The following DLGAP1 variants were observed in gnomAD, a reference collection of about 807,000 sequenced individuals.
The protein encoded by DLGAP1 is DLG associated protein 1.
Under a neutral mutation model 90.8 loss-of-function variants are expected in DLGAP1, and 11 were observed. The observed-to-expected ratio is 0.12, with a 90% confidence interval of 0.08 to 0.20. The LOEUF is 0.20. Among genes scored for constraint, DLGAP1 ranks in the 10% least tolerant of loss-of-function variants. The pLI is 1.00. For missense variants in DLGAP1, 1,050 were observed against 1,333.8 expected (o/e 0.79, Z 3.31); for synonymous variants, 558 against 540.7 (o/e 1.03, Z -0.44).
intron 7 of DLGAP1, among the ~76,000 whole-genome samples, chr18:3,583,168 ACCTACCTACCTACCTACCTTCCTTCC>A (rs2055644290): frequency 2.0e-4 from 26 of 127,066 alleles, no homozygotes; most frequent in East Asian, 9.3e-4. Context: ...CTACCTACCT[ACCTACCTACCTACCTACCTTCCTTCC>A]TTCCTTCCTT....
intron 7 of DLGAP1, among the ~76,000 whole-genome samples, chr18:3,586,307 G>C (rs1369943096): frequency 6.6e-6 from 1 of 152,112 alleles, no homozygotes; most frequent in African/African-American, 2.4e-5. Context: ...TTAAGGAAAG[G>C]AACCATCTCC....
chr18:3,570,635 A>G (rs1233541326), intron 8 of DLGAP1, among the ~76,000 whole-genome samples: 1 of 151,852 alleles, frequency 6.6e-6, no homozygotes, highest in African/African-American at 2.4e-5. Flanking sequence ...CCTTTTTCAA[A>G]AAGTATAATT....
At chr18:4,013,383 G>T (rs1238056731) in intron 2 of DLGAP1, among the ~76,000 whole-genome samples, 1 of 152,202 alleles carries the variant, frequency 6.6e-6, no homozygotes. Context: ...GGTCCACACA[G>T]TTAGTAAGTG....
intron 3 of DLGAP1, among the ~76,000 whole-genome samples, chr18:3,949,329 T>C (rs915150171): frequency 3.3e-4 from 51 of 152,262 alleles, no homozygotes; most frequent in African/African-American, 1.2e-3. Flanking sequence ...GAAGTCAGGG[T>C]GTTTCTTCTG....
At chr18:3,936,392 T>C (rs929809776) in intron 3 of DLGAP1, among the ~76,000 whole-genome samples, 1 of 152,222 alleles carries the variant, frequency 6.6e-6, no homozygotes, top group African/African-American at 2.4e-5. Context: ...ACATTTCCAG[T>C]TGGTGCTGAG....
intron 1 of DLGAP1, among the ~76,000 whole-genome samples, chr18:4,240,708 T>G (rs918760052): frequency 6.6e-6 from 1 of 152,202 alleles, no homozygotes; most frequent in Non-Finnish European, 1.5e-5. Context: ...TCCATAGAAA[T>G]AATTTCTTCT....
At chr18:4,269,422 C>G (rs1298591443) in intron 1 of DLGAP1, among the ~76,000 whole-genome samples, 1 of 149,228 alleles carries the variant, frequency 6.7e-6, no homozygotes, top group Non-Finnish European at 1.5e-5. Context: ...GGCGCGATCT[C>G]AGCTCACTGC....
intron 7 of DLGAP1, among the ~76,000 whole-genome samples, chr18:3,691,336 A>C (rs1435071765): frequency 6.6e-6 from 1 of 151,892 alleles, no homozygotes; most frequent in Non-Finnish European, 1.5e-5. Context: ...GCTGAGGCAG[A>C]AGAATCCCTT....
chr18:4,058,730 C>T (rs540032966), intron 2 of DLGAP1, among the ~76,000 whole-genome samples: 3 of 152,168 alleles, frequency 2.0e-5, no homozygotes, highest in Admixed American at 6.5e-5. Flanking sequence ...CTGTAGCCTC[C>T]GTTTCTCTAA....
At chr18:3,709,049 T>C (rs342477) in intron 7 of DLGAP1, among the ~76,000 whole-genome samples, 95,250 of 152,106 alleles carry the variant, frequency 0.63, 31,142 homozygotes, top group African/African-American at 0.82. Context: ...CAACAAATAT[T>C]TACTGAGTAT....
intron 7 of DLGAP1, among the ~76,000 whole-genome samples, chr18:3,599,375 C>T (rs1368223347): frequency 6.6e-6 from 1 of 152,178 alleles, no homozygotes; most frequent in Admixed American, 6.5e-5. Flanking sequence ...TAATGGAGTA[C>T]TTGAATTTGT....
intron 1 of DLGAP1, among the ~76,000 whole-genome samples, chr18:4,229,586 C>A (rs2078259485): frequency 6.6e-6 from 1 of 151,970 alleles, no homozygotes; most frequent in Non-Finnish European, 1.5e-5. Context: ...ATGACAGTCT[C>A]TTCAATAAAT....
At position 3,497,393 on chromosome 18, in the gene DLGAP1, C is replaced by T. The variant is rs1337596189; in HGVS notation, c.*1792G>A. Reference sequence around the variant, plus strand: ...TGAGTAGCCCTTTTCTTGTAAACCACAGCAGTAAACATTTGTGCCCTGTTT... The same window carrying T: ...TGAGTAGCCCTTTTCTTGTAAACCATAGCAGTAAACATTTGTGCCCTGTTT... On this transcript the variant is annotated 3_prime_UTR_variant, in exon 13 of 13. Transcript: ENST00000315677. The T allele has an allele frequency of 6.6e-6, 1 of 152,152 alleles. No individual in the cohort carries two copies. The highest frequency in any genetic ancestry group is 1.5e-5 in the Non-Finnish European group (1 of 68,032). 9.4% of individuals were successfully genotyped at this position (152,152 alleles called of 1,614,324 possible).
intron 1 of DLGAP1, among the ~76,000 whole-genome samples, chr18:4,245,335 A>T (rs2078631961): frequency 6.6e-6 from 1 of 152,242 alleles, no homozygotes; most frequent in Non-Finnish European, 1.5e-5. Flanking sequence ...ATATTGTGAT[A>T]AGTTACAATT....
intron 1 of DLGAP1, among the ~76,000 whole-genome samples, chr18:4,370,420 A>C (rs2081890759): frequency 6.6e-6 from 1 of 152,212 alleles, no homozygotes. Flanking sequence ...CCAGCAGTAC[A>C]TGAGGAGTTA....
intron 4 of DLGAP1, among the ~76,000 whole-genome samples, chr18:3,826,235 C>T (rs1235561400): frequency 6.6e-6 from 1 of 152,126 alleles, no homozygotes; most frequent in Non-Finnish European, 1.5e-5. Flanking sequence ...TGCAATCTAT[C>T]CACGTAACAA....
intron 7 of DLGAP1, among the ~76,000 whole-genome samples, chr18:3,680,431 A>G (rs1357618710): frequency 6.6e-6 from 1 of 152,128 alleles, no homozygotes; most frequent in Non-Finnish European, 1.5e-5. Context: ...GAAAGTCATG[A>G]TTTTACCTAA....
At chr18:4,443,545 G>C (rs2083588622) in intron 1 of DLGAP1, among the ~76,000 whole-genome samples, 1 of 152,188 alleles carries the variant, frequency 6.6e-6, no homozygotes, top group African/African-American at 2.4e-5. Flanking sequence ...TGGGTCAAAA[G>C]ACTCTAGAAG....
At chr18:3,699,709 C>T (rs181361847) in intron 7 of DLGAP1, among the ~76,000 whole-genome samples, 5 of 152,306 alleles carry the variant, frequency 3.3e-5, no homozygotes, top group South Asian at 2.1e-4. Context: ...CAGACAGAAA[C>T]GTTTAAGCCT....
Sources: gnomAD v4.1 joint callset for allele counts (sites outside exome capture counted in the v4.1 genomes callset) on GRCh38, gnomAD v4.1.1 for gene constraint, MANE v1.5 for transcripts, NCBI Gene and HGNC (gene_info 2026-07-23, HGNC 2026-07-21) for gene names.